The following CAST variants were observed in gnomAD, a reference collection of about 807,000 sequenced individuals.
The protein encoded by CAST is calpastatin.
In CAST, 76 loss-of-function variants were observed where a neutral mutation model predicts 119.6. The observed-to-expected ratio is 0.64, with a 90% confidence interval of 0.53 to 0.77. The LOEUF (loss-of-function observed/expected upper bound fraction) is 0.77, where lower values mean the gene tolerates loss of function less well. Ranked by LOEUF, CAST falls within the 30% of genes least tolerant of loss-of-function variation. CAST has a pLI of 0.00. For synonymous variants in CAST, 319 were observed against 331.6 expected (o/e 0.96, Z 0.41); for missense variants, 953 against 946.5 (o/e 1.01, Z -0.09).
intron 1 of CAST, among the ~76,000 whole-genome samples, chr5:96,664,545 G>A (rs971257015): frequency 6.6e-6 from 1 of 152,114 alleles, no homozygotes; most frequent in African/African-American, 2.4e-5. Context: ...ACAGGCATGA[G>A]CCACTGCACT....
the CAST span, among the ~76,000 whole-genome samples, chr5:96,341,216 T>G: frequency 6.6e-6 from 1 of 152,200 alleles, no homozygotes; most frequent in Non-Finnish European, 1.5e-5. Context: ...ATTTGTCCCC[T>G]TGTCATTAGA....
At chr5:96,410,014 G>T in the CAST span, among the ~76,000 whole-genome samples, 7 of 152,264 alleles carry the variant, frequency 4.6e-5, no homozygotes, top group Admixed American at 3.3e-4. Context: ...ATTTCACTGA[G>T]ATAGGATCTA....
chr5:96,359,350 T>C, the CAST span, among the ~76,000 whole-genome samples: 1 of 152,220 alleles, frequency 6.6e-6, no homozygotes, highest in African/African-American at 2.4e-5. Context: ...TTAATATTGT[T>C]ACGTGTGAAT....
At chr5:95,970,880 AAT>A in the CAST span, among the ~76,000 whole-genome samples, 1 of 152,198 alleles carries the variant, frequency 6.6e-6, no homozygotes, top group African/African-American at 2.4e-5. Context: ...TTTTCTCTCC[AAT>A]ATTTCTCAAC....
At chr5:95,975,999 G>A in the CAST span, among the ~76,000 whole-genome samples, 2 of 152,110 alleles carry the variant, frequency 1.3e-5, no homozygotes, top group East Asian at 3.9e-4. Flanking sequence ...ATCTTCAAGG[G>A]CACTTTTCCT....
intron 8 of CAST, 77 bp from the exon 9 acceptor site, chr5:96,730,703 C>T: frequency 2.9e-6 from 3 of 1,048,058 alleles, no homozygotes; most frequent in South Asian, 2.6e-5. Context: ...ATGTTAGTGA[C>T]ATTTGAAACT....
At chr5:96,572,596 CTTAAAGGAAATGATTTAATGACGCT>C (rs987264956) in intron 1 of CAST, among the ~76,000 whole-genome samples, 2 of 152,170 alleles carry the variant, frequency 1.3e-5, no homozygotes, top group Non-Finnish European at 2.9e-5. Flanking sequence ...AAAGAGAGTA[CTTAAAGGAAATGATTTAATGACGCT>C]TTAGTGTTGG....
chr5:96,702,246 A>G (rs1393116999), intron 3 of CAST, among the ~76,000 whole-genome samples: 1 of 152,230 alleles, frequency 6.6e-6, no homozygotes, highest in Non-Finnish European at 1.5e-5. Flanking sequence ...TTGGCCTTCT[A>G]TATGAAAGAG....
At chr5:96,065,070 C>G in the CAST span, among the ~76,000 whole-genome samples, 1 of 151,986 alleles carries the variant, frequency 6.6e-6, no homozygotes, top group Admixed American at 6.6e-5. Context: ...TTCCTGTTAC[C>G]AATAGTTCCT....
At chr5:96,063,725 T>C in the CAST span, among the ~76,000 whole-genome samples, 3 of 152,206 alleles carry the variant, frequency 2.0e-5, no homozygotes, top group African/African-American at 7.2e-5. Context: ...TCTCAGTTTA[T>C]TTAATCATTT....
chr5:96,678,148 C>T (rs1459938194), intron 2 of CAST, among the ~76,000 whole-genome samples: 1 of 152,158 alleles, frequency 6.6e-6, no homozygotes, highest in East Asian at 1.9e-4. Flanking sequence ...CTTTTCTTCT[C>T]AAAATTACCA....
chr5:96,290,707 C>T, the CAST span, among the ~76,000 whole-genome samples: 1 of 152,152 alleles, frequency 6.6e-6, no homozygotes. Flanking sequence ...AAATGGATGA[C>T]AGGAATGACA....
At chr5:96,327,569 C>A in the CAST span, among the ~76,000 whole-genome samples, 1 of 152,138 alleles carries the variant, frequency 6.6e-6, no homozygotes, top group African/African-American at 2.4e-5. Context: ...CAGAGTGACC[C>A]CCAACACTCA....
chr5:96,558,614 T>C (rs540792753), intron 1 of CAST, among the ~76,000 whole-genome samples: 30 of 152,166 alleles, frequency 2.0e-4, no homozygotes, highest in African/African-American at 5.5e-4. Flanking sequence ...CTAGAAGAAA[T>C]GGATAAATTC....
the CAST span, among the ~76,000 whole-genome samples, chr5:96,220,882 G>T: frequency 2.0e-5 from 3 of 152,136 alleles, no homozygotes; most frequent in African/African-American, 7.2e-5. Flanking sequence ...CCAACATTCC[G>T]TGATGCCCTT....
chr5:96,221,428 A>C, the CAST span, among the ~76,000 whole-genome samples: 1 of 152,198 alleles, frequency 6.6e-6, no homozygotes, highest in Non-Finnish European at 1.5e-5. Flanking sequence ...ATACAAAATC[A>C]ATATACAAAA....
the CAST span, among the ~76,000 whole-genome samples, chr5:95,962,377 G>T: frequency 6.6e-6 from 1 of 152,228 alleles, no homozygotes; most frequent in Admixed American, 6.5e-5. Context: ...GGGGGAGGAC[G>T]CAGCAGGAGG....
chr5:96,510,834 A>G, the CAST span, among the ~76,000 whole-genome samples: 5 of 152,392 alleles, frequency 3.3e-5, no homozygotes, highest in African/African-American at 1.2e-4. Context: ...TCTATCCAAA[A>G]AAAGGGGTGG....
At chr5:96,320,011 C>G in the CAST span, among the ~76,000 whole-genome samples, 1 of 150,554 alleles carries the variant, frequency 6.6e-6, no homozygotes. Context: ...GTGTTGACAC[C>G]CCTTCATATC....
Sources: allele counts gnomAD v4.1 joint callset (sites outside exome capture counted in the v4.1 genomes callset), GRCh38; gene constraint gnomAD v4.1.1; transcripts MANE v1.5; gene names NCBI Gene and HGNC (gene_info 2026-07-23, HGNC 2026-07-21).